SLC17A7: variants seen among roughly 807,000 people sequenced by gnomAD.
SLC17A7 encodes vesicular glutamate transporter 1.
SLC17A7 carries 15 observed loss-of-function variants against 59.1 expected under a neutral mutation model. The ratio of observed to expected loss-of-function variants is 0.25; its 90% CI spans 0.17 to 0.39. SLC17A7 has a LOEUF of 0.39. SLC17A7 is among the 10% of genes least tolerant of loss of function. The pLI is 1.00. For synonymous variants in SLC17A7, 353 were observed against 308.9 expected, an observed-to-expected ratio of 1.14 and a Z score of -1.50; for missense variants, 499 against 765.1, an observed-to-expected ratio of 0.65 and a Z score of 4.10.
chr19:49,431,548 C>T lies in SLC17A7; in HGVS notation c.1151-100G>A. 1 of 954,716 alleles carries T rather than the reference C, an allele frequency of 1.0e-6. No homozygotes were observed. The allele number at this position is 954,716 out of a possible 1,614,324, so 59.1% of individuals were successfully genotyped here. ...CCAGACCTGCTCCAGCCCCAAACCGCGTCTATCCACCCCAGTCTGGCCACC... is the reference window on the plus strand; with the variant it reads ...CCAGACCTGCTCCAGCCCCAAACCGTGTCTATCCACCCCAGTCTGGCCACC... On this transcript the variant is annotated intron_variant, in intron 9 of 11. Coordinates refer to ENST00000221485, the MANE Select transcript of SLC17A7 (RefSeq NM_020309.4). This position sits in a 1 kb window ranked among gnomAD's most constrained non-coding sequence, Gnocchi z 4.6.
intron 1 of SLC17A7, among the ~76,000 whole-genome samples, chr19:49,440,140 TGTTACTAG>T: frequency 6.6e-6 from 1 of 152,184 alleles, no homozygotes; most frequent in East Asian, 1.9e-4. Context: ...TTGTCTCTCA[TGTTACTAG>T]AGGGTGGGGT....
In SLC17A7 at chr19:49,433,098, C is replaced by A. The variant is rs1348339045; in HGVS notation, c.868-138G>T. On this transcript the variant is annotated intron_variant, in intron 7 of 11. Transcript: ENST00000221485. This position sits in a 1 kb window ranked among gnomAD's most constrained non-coding sequence, Gnocchi z 5.7. ...TGAAACTTCTATGGACCCAAAGGCG[C>A]GGGCTACACCATGTTGCCGTGGGGA... The A allele has an allele frequency of 5.6e-6, 5 of 890,980 alleles. No homozygotes were observed. The highest frequency in any genetic ancestry group is 5.4e-5 in the Admixed American group (2 of 37,348). 55.2% of individuals were successfully genotyped at this position (890,980 alleles called of 1,614,324 possible).
chr19:49,431,499 C>A lies in SLC17A7; in HGVS notation c.1151-51G>T. 6.7e-7 allele frequency: 1 copy of A among 1,502,382 alleles called. No individual in the cohort carries two copies. The highest frequency in any genetic ancestry group is 9.2e-7 in the Non-Finnish European group (1 of 1,086,308). 93.1% of individuals were successfully genotyped at this position (1,502,382 alleles called of 1,614,324 possible). ...CTCCTGAGTGTCGGCCGGAGCAAGG[C>A]GCAGGCTGCCCCACACCGCCCTTCC... On this transcript the variant is annotated intron_variant, in intron 9 of 11. Coordinates refer to ENST00000221485, the MANE Select transcript of SLC17A7 (RefSeq NM_020309.4). This position sits in a 1 kb window ranked among gnomAD's most constrained non-coding sequence, Gnocchi z 4.6.
Position 49,436,322 on chromosome 19 carries a change from G to T in SLC17A7, c.315+227C>A. 1.7e-6 allele frequency: 1 copy of T among 590,414 alleles called. No individual in the cohort carries two copies. The highest frequency in any genetic ancestry group is 2.3e-5 in the South Asian group (1 of 43,344). 36.6% of individuals were successfully genotyped at this position (590,414 alleles called of 1,614,324 possible). A position where few individuals can be genotyped will look rare whatever the true frequency, so the allele number is the denominator to read the frequency against. ...TCTACATTTTTCAATCAAGCCCCTG[G>T]AAATAAGGGCGGGACTTCATTTAGA... On this transcript the variant is annotated intron_variant, in intron 2 of 11. Transcript: ENST00000221485. The surrounding 1 kb of genome is among the most constrained non-coding windows in gnomAD (Gnocchi z 4.1).
intron 1 of SLC17A7, among the ~76,000 whole-genome samples, chr19:49,440,922 A>G (rs2078997616): frequency 6.6e-6 from 1 of 151,996 alleles, no homozygotes; most frequent in Admixed American, 6.6e-5. Flanking sequence ...GGAGGCAGAG[A>G]TCTAGGGAGA....
At chr19:49,441,221 G>A in intron 1 of SLC17A7, 97 bp downstream of exon 1, 8 of 1,535,794 alleles carry the variant, frequency 5.2e-6, no homozygotes, top group Non-Finnish European at 7.0e-6. Context: ...CCCCATGCCG[G>A]GGTATCGCCC....
chr19:49,432,724 C>T, intron 8 of SLC17A7, 73 bp from the exon 9 acceptor site: 1 of 1,604,920 alleles, frequency 6.2e-7, no homozygotes, highest in East Asian at 2.2e-5. Context: ...GTCCGTGCAC[C>T]ACCGGCTCCT....
rs149038827 is a variant in SLC17A7, at chr19:49,429,813, T to C, written c.*706A>G. 67 of 379,090 alleles carry C rather than the reference T, an allele frequency of 1.8e-4. No homozygotes were observed. The East Asian group carries it at 2.2e-3, about 13-fold the overall frequency. The allele number at this position is 379,090 out of a possible 1,614,324, so 23.5% of individuals were successfully genotyped here. On this transcript the variant is annotated 3_prime_UTR_variant, in exon 12 of 12. Coordinates refer to ENST00000221485, the MANE Select transcript of SLC17A7 (RefSeq NM_020309.4). ...GACCTGAAAACCATGTCAGAAAAAG[T>C]GCACGGGGGTAGAGAGGCATATTGT...
In SLC17A7 at chr19:49,433,602, CCT is replaced by C; in HGVS notation, c.867+122_867+123del. On this transcript the variant is annotated intron_variant, in intron 7 of 11. Coordinates refer to ENST00000221485, the MANE Select transcript of SLC17A7 (RefSeq NM_020309.4). This position sits in a 1 kb window ranked among gnomAD's most constrained non-coding sequence, Gnocchi z 5.7. ...GCAACCCGCCTCCTAGGTTCTAGCC[CCT>C]CTCTTTGCGTTCCAGTCCCGTCTCC... 1 of 1,403,992 alleles carries C rather than the reference CCT, an allele frequency of 7.1e-7. No homozygotes were observed. Among genetic ancestry groups the C allele is most frequent in the Non-Finnish European group, 9.9e-7 (1 of 1,008,840 alleles). 87.0% of individuals were successfully genotyped at this position (1,403,992 alleles called of 1,614,324 possible).
chr19:49,430,594 T>G lies in SLC17A7; in HGVS notation c.1608A>C (p.Ala536=). ...DEAEPPGAPP[A]PPPSYGATHS... ...GTGTGGCCCCATAGGAGGGCGGGGG[T>G]GCAGGGGGTGCCCCCGGGGGCTCAG... is the stretch of plus-strand genomic sequence containing the variant. The change falls in exon 12 of 12, where the codon GCA becomes GCC. Residue 536 remains alanine (A), a synonymous_variant. Coordinates refer to ENST00000221485, the MANE Select transcript of SLC17A7 (RefSeq NM_020309.4). The G allele has an allele frequency of 1.9e-6, 3 of 1,605,554 alleles. No homozygotes were observed. Among genetic ancestry groups the G allele is most frequent in the African/African-American group, 2.7e-5 (2 of 73,648 alleles).
At position 49,436,916 on chromosome 19, in the gene SLC17A7, C is replaced by A. The variant is rs1247544275; in HGVS notation, c.63-115G>T. 2.1e-6 allele frequency: 3 copies of A among 1,409,232 alleles called. No individual in the cohort carries two copies. The highest frequency in any genetic ancestry group is 1.5e-5 in the African/African-American group (1 of 68,664). The allele number at this position is 1,409,232 out of a possible 1,614,324, so 87.3% of individuals were successfully genotyped here. On this transcript the variant is annotated intron_variant, in intron 1 of 11. Transcript: ENST00000221485. This position sits in a 1 kb window ranked among gnomAD's most constrained non-coding sequence, Gnocchi z 4.1. ...CAACATCCAGAATTCTAAGCCCGCA[C>A]CTCCTCCTTCACCAAGAGTCCAGGT... is the stretch of plus-strand genomic sequence containing the variant.
At position 49,441,409 on chromosome 19, in the gene SLC17A7, C is replaced by G. The variant is rs768847106; in HGVS notation, c.-30G>C. Reference sequence around the variant, plus strand: ...GCGGCTCCTGCCGCCGGTCACCCCGCGGGTCCCCCCCGCCGATCCCCCCGC... The same window carrying G: ...GCGGCTCCTGCCGCCGGTCACCCCGGGGGTCCCCCCCGCCGATCCCCCCGC... On this transcript the variant is annotated 5_prime_UTR_variant, in exon 1 of 12. Transcript: ENST00000221485. The G allele has an allele frequency of 4.1e-6, 6 of 1,477,814 alleles. No homozygotes were observed. Among genetic ancestry groups the G allele is most frequent in the Non-Finnish European group, 3.6e-6 (4 of 1,115,696 alleles). 91.5% of individuals were successfully genotyped at this position (1,477,814 alleles called of 1,614,324 possible). A position where few individuals can be genotyped will look rare whatever the true frequency, so the allele number is the denominator to read the frequency against.
chr19:49,436,784 T>G lies in SLC17A7; in HGVS notation c.80A>C (p.Gln27Pro). 6.2e-7 allele frequency: 1 copy of G among 1,603,084 alleles called. No homozygotes were observed. ...CAGCTCCAGCGTCTCCGCGCCTTCCTGCCGCTTCTCCAGAAGGCTGCGGGA... is the reference window on the plus strand; with the variant it reads ...CAGCTCCAGCGTCTCCGCGCCTTCCGGCCGCTTCTCCAGAAGGCTGCGGGA... ...GKLHRLLEKR[Q>P]EGAETLELSA... Residue 27 changes from glutamine to proline, a missense_variant, in exon 2 of 12, where the codon CAG becomes CCG. Gln to Pro is a moderately conservative substitution (Grantham distance 76, BLOSUM62 -1). Around this residue, in one of 3 missense-constraint regions of SLC17A7, gnomAD observed 78 missense variants for 80.4 expected, o/e 0.97. Transcript: ENST00000221485. This position sits in a 1 kb window ranked among gnomAD's most constrained non-coding sequence, Gnocchi z 4.1.
At position 49,435,296 on chromosome 19, in the gene SLC17A7, A is replaced by G. The variant is rs913188032; in HGVS notation, c.316-10T>C. On this transcript the variant is annotated splice_polypyrimidine_tract_variant and intron_variant, in intron 2 of 11. Transcript: ENST00000221485. ...AGCTGAACTGGGCTTTCTGCGGGCC[A>G]AAATGTACATTAAATCAGCCGCCCT... 2.5e-6 allele frequency: 4 copies of G among 1,596,598 alleles called. No homozygotes were observed. Among genetic ancestry groups the G allele is most frequent in the South Asian group, 1.1e-5 (1 of 90,744 alleles).
chr19:49,435,148 T>G lies in SLC17A7; in HGVS notation c.434+20A>C. On this transcript the variant is annotated intron_variant, in intron 3 of 11. Coordinates refer to ENST00000221485, the MANE Select transcript of SLC17A7 (RefSeq NM_020309.4). ...CACACAACTGTAGTTACCGCCCACT[T>G]TGAGACCCCACCACTGTACCTGTTG... 4.5e-6 allele frequency: 7 copies of G among 1,572,400 alleles called. No individual in the cohort carries two copies. Among genetic ancestry groups the G allele is most frequent in the Non-Finnish European group, 5.3e-6 (6 of 1,142,338 alleles).
At chr19:49,439,919 C>T (rs1340804748) in intron 1 of SLC17A7, among the ~76,000 whole-genome samples, 5 of 152,094 alleles carry the variant, frequency 3.3e-5, no homozygotes, top group Non-Finnish European at 7.4e-5. Flanking sequence ...GCCCCCTCCA[C>T]CAGCACGTCT....
In SLC17A7 at chr19:49,430,574, G is replaced by C. The variant is rs773415154; in HGVS notation, c.1628C>G (p.Ala543Gly). Residue 543 changes from alanine to glycine, a missense_variant, in exon 12 of 12, where the codon GCC becomes GGC. Physicochemically the swap from Ala to Gly is moderately conservative, Grantham distance 60. This residue lies in a region of SLC17A7 where 98 missense variants were observed against 77.5 expected (regional missense o/e 1.27). Transcript: ENST00000221485. ...APPAPPPSYG[A>G]THSTFQPPRP... ...GGGGGGCTGAAATGTGCTGTGTGTG[G>C]CCCCATAGGAGGGCGGGGGTGCAGG... The C allele has an allele frequency of 5.0e-6, 8 of 1,602,152 alleles. No homozygotes were observed. In the South Asian group the frequency reaches 8.9e-5, roughly 18 times the overall value.
chr19:49,437,637 G>C (rs2335089), intron 1 of SLC17A7: 38,038 of 152,272 alleles, frequency 0.25, 4,992 homozygotes, highest in Non-Finnish European at 0.27. Context: ...AAGGGAGAGA[G>C]ATCCAGTGAA....
Position 49,433,418 on chromosome 19 carries a change from G to A in SLC17A7, c.867+308C>T, listed in dbSNP as rs967539116. ...CTAGGAGTCTCTTTTTATCAAAAATGCTCCCAAAATACAGCCTCAACTCAA... is the reference window on the plus strand; with the variant it reads ...CTAGGAGTCTCTTTTTATCAAAAATACTCCCAAAATACAGCCTCAACTCAA... On this transcript the variant is annotated intron_variant, in intron 7 of 11. Transcript: ENST00000221485. The surrounding 1 kb of genome is among the most constrained non-coding windows in gnomAD (Gnocchi z 5.7). 5 of 486,516 alleles carry A rather than the reference G, an allele frequency of 1.0e-5. No individual in the cohort carries two copies. Among genetic ancestry groups the A allele is most frequent in the African/African-American group, 9.8e-5 (5 of 51,188 alleles). 30.1% of individuals were successfully genotyped at this position (486,516 alleles called of 1,614,324 possible). A position where few individuals can be genotyped will look rare whatever the true frequency, so the allele number is the denominator to read the frequency against.
Sources: allele counts gnomAD v4.1 joint callset (sites outside exome capture counted in the v4.1 genomes callset), GRCh38; gene constraint gnomAD v4.1.1; regional missense constraint gnomAD v4.1.1; non-coding constraint Gnocchi (gnomAD v3.1); transcripts MANE v1.5; gene names NCBI Gene and HGNC (gene_info 2026-07-23, HGNC 2026-07-21).